The following TCF7L1 variants were observed in gnomAD, a reference collection of about 807,000 sequenced individuals.
TCF7L1 encodes the protein transcription factor 7-like 1.
Under a neutral mutation model 63.7 loss-of-function variants are expected in TCF7L1, and 18 were observed. The ratio of observed to expected loss-of-function variants is 0.28; its 90% CI spans 0.20 to 0.42. The LOEUF is 0.42. TCF7L1 is among the 10% of genes least tolerant of loss of function. The probability of loss-of-function intolerance (pLI) is 1.00; values close to 1 mark genes in which losing one functional copy is unlikely to be tolerated. For synonymous variants in TCF7L1, 355 were observed against 340.9 expected (o/e 1.04, Z -0.46); for missense variants, 654 against 779.3 (o/e 0.84, Z 1.91).
intron 3 of TCF7L1, among the ~76,000 whole-genome samples, chr2:85,261,703 C>G (rs115550005): frequency 0.021 from 3,115 of 150,382 alleles, 57 homozygotes; most frequent in Middle Eastern, 0.041. Context: ...CCAGCCTGGG[C>G]AACATAGCAA....
intron 3 of TCF7L1, among the ~76,000 whole-genome samples, chr2:85,252,281 A>G (rs1680609085): frequency 1.3e-5 from 2 of 152,324 alleles, no homozygotes; most frequent in East Asian, 3.9e-4. Flanking sequence ...AGTTGTTTTC[A>G]TCTAAGGAAA....
chr2:85,300,385 C>T (rs1008047924), intron 4 of TCF7L1, among the ~76,000 whole-genome samples: 2 of 152,110 alleles, frequency 1.3e-5, no homozygotes, highest in African/African-American at 4.8e-5. Flanking sequence ...GTTGTATGTT[C>T]ATGTATATGG....
intron 5 of TCF7L1, chr2:85,303,633 C>T (rs1231129540): frequency 2.7e-6 from 1 of 364,878 alleles, no homozygotes; most frequent in Non-Finnish European, 4.9e-6. Flanking sequence ...GCTTCTGTAT[C>T]ACAGCCAGCT....
chr2:85,258,186 A>G (rs1311016528), intron 3 of TCF7L1, among the ~76,000 whole-genome samples: 1 of 152,136 alleles, frequency 6.6e-6, no homozygotes, highest in East Asian at 1.9e-4. Context: ...CAGTCCAGTG[A>G]GCCAAATCCT....
At chr2:85,283,680 T>A in intron 4 of TCF7L1, 102 bp downstream of exon 4, 1 of 1,291,758 alleles carries the variant, frequency 7.7e-7, no homozygotes, top group South Asian at 1.2e-5. Context: ...GGTCCAACAG[T>A]GTTTCCTCAA....
intron 3 of TCF7L1, among the ~76,000 whole-genome samples, chr2:85,140,948 T>C (rs1475120357): frequency 6.6e-6 from 1 of 151,680 alleles, no homozygotes; most frequent in Non-Finnish European, 1.5e-5. Context: ...TCCTTGGTGT[T>C]AGATGCCACA....
At chr2:85,171,797 G>A (rs1022792245) in intron 3 of TCF7L1, among the ~76,000 whole-genome samples, 1 of 152,162 alleles carries the variant, frequency 6.6e-6, no homozygotes, top group African/African-American at 2.4e-5. Context: ...TCTCCAGAAT[G>A]GGGATTGTGA....
At chr2:85,181,051 G>A (rs1678794900) in intron 3 of TCF7L1, among the ~76,000 whole-genome samples, 1 of 152,244 alleles carries the variant, frequency 6.6e-6, no homozygotes, top group Non-Finnish European at 1.5e-5. Flanking sequence ...AGAAAAGGGG[G>A]AGGCTGGTGG....
chr2:85,297,564 ACCT>A (rs1681860700), intron 4 of TCF7L1, among the ~76,000 whole-genome samples: 2 of 152,130 alleles, frequency 1.3e-5, no homozygotes, highest in Admixed American at 6.5e-5. Context: ...AGTGCCTCAC[ACCT>A]GTAATCCCAG....
Position 85,309,390 on chromosome 2 carries a change from G to A in TCF7L1, c.1695G>A (p.Thr565=), listed in dbSNP as rs537412852. 69 of 1,595,990 alleles carry A rather than the reference G, an allele frequency of 4.3e-5. No individual in the cohort carries two copies. Among genetic ancestry groups the A allele is most frequent in the African/African-American group, 2.4e-4 (18 of 74,006 alleles). ...CCTCTCCCCCGTCCTTCCCCGCCAC[G>A]CTCCATGCCCACCAGGCCCTCCCGG... ...LLASPPSFPA[T]LHAHQALPVL... is the part of the protein sequence containing the mutation. Residue 565 remains threonine (T), a synonymous_variant, in exon 12 of 12, where the codon ACG becomes ACA. Transcript: ENST00000282111.
chr2:85,283,947 C>G (rs969642946), intron 4 of TCF7L1, among the ~76,000 whole-genome samples: 1 of 152,242 alleles, frequency 6.6e-6, no homozygotes, highest in Non-Finnish European at 1.5e-5. Flanking sequence ...AGAATTGCCT[C>G]CTCTTCTCCC....
intron 3 of TCF7L1, among the ~76,000 whole-genome samples, chr2:85,204,570 G>A (rs1285131523): frequency 1.3e-5 from 2 of 151,932 alleles, no homozygotes; most frequent in East Asian, 3.8e-4. Flanking sequence ...TTGTAGAGGC[G>A]GGGTCTTACT....
intron 4 of TCF7L1, among the ~76,000 whole-genome samples, chr2:85,301,793 G>A (rs184733329): frequency 5.3e-5 from 8 of 152,268 alleles, no homozygotes; most frequent in African/African-American, 1.9e-4. Flanking sequence ...GAACCTGAGA[G>A]CAACTGTTTC....
At chr2:85,268,826 G>A (rs933859696) in intron 3 of TCF7L1, among the ~76,000 whole-genome samples, 4 of 151,952 alleles carry the variant, frequency 2.6e-5, no homozygotes, top group African/African-American at 7.3e-5. Flanking sequence ...GAAGCTAAGC[G>A]AGGAAATGAG....
At position 85,307,678 on chromosome 2, in the gene TCF7L1, T is replaced by C. The variant is rs1473161818; in HGVS notation, c.1294T>C (p.Ser432Pro). The C allele has an allele frequency of 6.2e-7, 1 of 1,613,732 alleles. No individual in the cohort carries two copies. Among genetic ancestry groups the C allele is most frequent in the South Asian group, 1.1e-5 (1 of 91,054 alleles). Residue 432 changes from serine to proline, a missense_variant, in exon 11 of 12, where the codon TCC (serine) becomes CCC (proline). Physicochemically the swap from Ser to Pro is moderately conservative, Grantham distance 74. Transcript: ENST00000282111. The stretch of plus-strand genomic sequence containing the variant: ...GAAGAGGAAGAGAGAAAAGCAGCTG[T>C]CCCAGACACAGTCACAGCAGCAAGT... ...KKKRKREKQL[S>P]QTQSQQQVQE... is the part of the protein sequence containing the mutation.
chr2:85,180,360 A>T (rs1171136215), intron 3 of TCF7L1, among the ~76,000 whole-genome samples: 1 of 151,856 alleles, frequency 6.6e-6, no homozygotes, highest in Admixed American at 6.6e-5. Context: ...GATGTGAGCT[A>T]CGGTGCCCCA....
chr2:85,202,394 G>A (rs1432330990), intron 3 of TCF7L1, among the ~76,000 whole-genome samples: 2 of 151,894 alleles, frequency 1.3e-5, no homozygotes, highest in African/African-American at 4.8e-5. Context: ...CATTCTGTGG[G>A]TTGTCTTTTC....
Position 85,241,448 on chromosome 2 carries a change from T to G in TCF7L1, c.442-42047T>G, listed in dbSNP as rs867614087. On this transcript the variant is annotated intron_variant, in intron 3 of 11. Transcript: ENST00000282111. ...TGCACTTTGTTTTTGTTTTTTTTTTTTTTTTTTTTTTTTTTTTGAGATGGA... is the reference window on the plus strand; with the variant it reads ...TGCACTTTGTTTTTGTTTTTTTTTTGTTTTTTTTTTTTTTTTTGAGATGGA... 9.9e-3 allele frequency among the ~76,000 whole-genome samples: 1,388 copies of G among 140,208 alleles called. 36 individuals carry two copies. The highest frequency in any genetic ancestry group is 0.031 in the African/African-American group (1,164 of 36,978). The allele number at this position is 140,208 out of a possible 152,430, so 92.0% of individuals were successfully genotyped here. A position where few individuals can be genotyped will look rare whatever the true frequency, so the allele number is the denominator to read the frequency against.
At chr2:85,303,753 G>T in intron 5 of TCF7L1, 142 bp from the exon 6 acceptor site, 1 of 605,946 alleles carries the variant, frequency 1.7e-6, no homozygotes. Context: ...CTAGGGAGTT[G>T]ACAGAGGGCA....
Sources: allele counts gnomAD v4.1 joint callset (sites outside exome capture counted in the v4.1 genomes callset), GRCh38; gene constraint gnomAD v4.1.1; transcripts MANE v1.5; gene names NCBI Gene and HGNC (gene_info 2026-07-23, HGNC 2026-07-21).